DNM2: variants seen among roughly 807,000 people sequenced by gnomAD.
The protein encoded by DNM2 is dynamin 2.
Under a neutral mutation model 99.0 loss-of-function variants are expected in DNM2, and 15 were observed. The observed-to-expected ratio is 0.15, with a 90% CI of 0.10 to 0.23. The LOEUF (loss-of-function observed/expected upper bound fraction) is 0.23, where lower values mean the gene tolerates loss of function less well. Ranked by LOEUF, DNM2 falls within the 10% of genes least tolerant of loss-of-function variation. The pLI is 1.00. For synonymous variants in DNM2, 525 were observed against 481.2 expected, an observed-to-expected ratio of 1.09 and a Z score of -1.19; for missense variants, 742 against 1,189.4, an observed-to-expected ratio of 0.62 and a Z score of 5.53.
chr19:10,812,654 G>A lies in DNM2; in HGVS notation c.1671+277G>A, dbSNP rs185316419. On this transcript the variant is annotated intron_variant, in intron 15 of 20. Transcript: ENST00000389253. This position sits in a 1 kb window ranked among gnomAD's most constrained non-coding sequence, Gnocchi z 4.0. ...TTGCAAAAATTAGCCAGGAGTGGTG[G>A]CACGCGCCTGTAATCCCAGCTACTC... 2.0e-5 allele frequency among the ~76,000 whole-genome samples: 3 copies of A among 152,326 alleles called. No homozygotes were observed. The highest frequency in any genetic ancestry group is 4.4e-5 in the Non-Finnish European group (3 of 68,032).
chr19:10,764,266 G>T lies in DNM2; in HGVS notation c.235+4455G>T, dbSNP rs1257201237. Among the ~76,000 whole-genome samples, 1 of 152,150 alleles carries T rather than the reference G, an allele frequency of 6.6e-6. No individual in the cohort carries two copies. The highest frequency in any genetic ancestry group is 1.9e-4 in the East Asian group (1 of 5,178). On this transcript the variant is annotated intron_variant, in intron 2 of 20. Coordinates refer to ENST00000389253, the MANE Select transcript of DNM2 (RefSeq NM_001005361.3). This position sits in a 1 kb window ranked among gnomAD's most constrained non-coding sequence, Gnocchi z 4.1. Reference sequence around the variant, plus strand: ...GTAAAATGGGGGTGATGGTGGCGCTGCCATCGTGGCCATGGCACCCCATTG... The same window carrying T: ...GTAAAATGGGGGTGATGGTGGCGCTTCCATCGTGGCCATGGCACCCCATTG...
intron 16 of DNM2, 82 bp from the exon 17 acceptor site, chr19:10,823,706 C>A: frequency 7.2e-7 from 1 of 1,398,274 alleles, no homozygotes; most frequent in Non-Finnish European, 1.0e-6. Flanking sequence ...TCAGAAAGAC[C>A]CCTAGAGCCC....
intron 2 of DNM2, among the ~76,000 whole-genome samples, chr19:10,771,830 G>A (rs1398726976): frequency 6.6e-6 from 1 of 152,030 alleles, no homozygotes; most frequent in African/African-American, 2.4e-5. Flanking sequence ...TTGGTCATTG[G>A]TTATGTCTAC....
intron 13 of DNM2, among the ~76,000 whole-genome samples, chr19:10,807,896 A>C (rs1254851273): frequency 6.7e-6 from 1 of 150,056 alleles, no homozygotes; most frequent in Admixed American, 6.7e-5. Flanking sequence ...TAGTCCTAGC[A>C]CTTTGGGAGG....
At chr19:10,773,266 G>T (rs1423307312) in intron 3 of DNM2, among the ~76,000 whole-genome samples, 1 of 151,010 alleles carries the variant, frequency 6.6e-6, no homozygotes, top group Non-Finnish European at 1.5e-5. Context: ...TCCTGCCTCA[G>T]CCTCCCAAGT....
intron 1 of DNM2, among the ~76,000 whole-genome samples, chr19:10,735,545 G>A (rs1266093603): frequency 1.3e-5 from 2 of 151,792 alleles, no homozygotes; most frequent in African/African-American, 4.8e-5. Flanking sequence ...GGAGAGTCTC[G>A]CTCTGTCATC....
At chr19:10,785,149 G>A (rs748801233) in intron 6 of DNM2, among the ~76,000 whole-genome samples, 1 of 149,126 alleles carries the variant, frequency 6.7e-6, no homozygotes, top group East Asian at 2.0e-4. Flanking sequence ...ATGGAGTCTC[G>A]CTCTGTTGCC....
intron 1 of DNM2, among the ~76,000 whole-genome samples, chr19:10,746,575 C>T (rs146593566): frequency 3.9e-5 from 6 of 152,040 alleles, no homozygotes; most frequent in African/African-American, 1.4e-4. Flanking sequence ...AGGCATGCAC[C>T]ACACCTGGCT....
intron 6 of DNM2, among the ~76,000 whole-genome samples, chr19:10,786,090 A>G (rs6511714): frequency 0.95 from 144,209 of 152,348 alleles, 68,402 homozygotes; most frequent in East Asian, 1. Flanking sequence ...GTGTACCACC[A>G]TGCCTGGCCC....
chr19:10,831,131 T>C lies in DNM2; in HGVS notation c.*84T>C. On this transcript the variant is annotated 3_prime_UTR_variant, in exon 21 of 21. Coordinates refer to ENST00000389253, the MANE Select transcript of DNM2 (RefSeq NM_001005361.3). This position sits in a 1 kb window ranked among gnomAD's most constrained non-coding sequence, Gnocchi z 4.3. ...GTGGTCTGGGGCCCTCCGCCGCCCC[T>C]ATGCTGGGACCAGGCTCCCAGTGGG... The C allele has an allele frequency of 6.7e-7, 1 of 1,486,424 alleles. No individual in the cohort carries two copies. The highest frequency in any genetic ancestry group is 2.3e-5 in the Admixed American group (1 of 43,068). 92.1% of individuals were successfully genotyped at this position (1,486,424 alleles called of 1,614,324 possible). A position where few individuals can be genotyped will look rare whatever the true frequency, so the allele number is the denominator to read the frequency against.
chr19:10,827,568 TA>T (rs951448703), intron 18 of DNM2, among the ~76,000 whole-genome samples: 253 of 141,162 alleles, frequency 1.8e-3, no homozygotes, highest in Non-Finnish European at 2.0e-3. Context: ...AGACCCTATC[TA>T]AAAAAAAAAA....
chr19:10,795,463 C>T lies in DNM2; in HGVS notation c.1196+24C>T, dbSNP rs751812906. The T allele has an allele frequency of 1.2e-6, 2 of 1,613,716 alleles. No homozygotes were observed. Among genetic ancestry groups the T allele is most frequent in the Middle Eastern group, 1.6e-4 (1 of 6,062 alleles). On this transcript the variant is annotated intron_variant, in intron 9 of 20. Transcript: ENST00000389253. The surrounding 1 kb of genome is among the most constrained non-coding windows in gnomAD (Gnocchi z 4.2). Reference sequence around the variant, plus strand: ...AGGCAAGTTCCACGAGGAGAGTCACCACTGTTCCTTCCTCTCCGTGGTGCG... The same window carrying T: ...AGGCAAGTTCCACGAGGAGAGTCACTACTGTTCCTTCCTCTCCGTGGTGCG...
intron 11 of DNM2, among the ~76,000 whole-genome samples, chr19:10,799,931 G>A (rs967173831): frequency 9.9e-5 from 15 of 151,902 alleles, no homozygotes; most frequent in Non-Finnish European, 8.8e-5. Flanking sequence ...TGTCACCCAC[G>A]AAGCACTGGG....
Position 10,820,039 on chromosome 19 carries a change from G to A in DNM2, c.1731G>A (p.Lys577=), listed in dbSNP as rs35365412. Residue 577 remains lysine (K), a synonymous_variant, in exon 16 of 21, where the codon AAG becomes AAA. Coordinates refer to ENST00000389253, the MANE Select transcript of DNM2 (RefSeq NM_001005361.3). The surrounding 1 kb of genome is among the most constrained non-coding windows in gnomAD (Gnocchi z 4.3). ...ACCTCAAGATCCGTGATGTGGAGAA[G>A]GGCTTCATGTCCAACAAGCACGTCT... ...LDNLKIRDVE[K]GFMSNKHVFA... 5.0e-6 allele frequency: 8 copies of A among 1,614,186 alleles called. No individual in the cohort carries two copies. The Admixed American group carries it at 5.0e-5, about 10-fold the overall frequency.
chr19:10,775,614 A>T lies in DNM2; in HGVS notation c.386-89A>T. 6.8e-7 allele frequency: 1 copy of T among 1,463,922 alleles called. No homozygotes were observed. Among genetic ancestry groups the T allele is most frequent in the Admixed American group, 1.7e-5 (1 of 59,826 alleles). 90.7% of individuals were successfully genotyped at this position (1,463,922 alleles called of 1,614,324 possible). A position where few individuals can be genotyped will look rare whatever the true frequency, so the allele number is the denominator to read the frequency against. On this transcript the variant is annotated intron_variant, in intron 3 of 20. Coordinates refer to ENST00000389253, the MANE Select transcript of DNM2 (RefSeq NM_001005361.3). This position sits in a 1 kb window ranked among gnomAD's most constrained non-coding sequence, Gnocchi z 4.3. The stretch of plus-strand genomic sequence containing the variant: ...TCCTCAAGTCTGAGCCCCGCGCAGG[A>T]ACTTTGGTAGTCAGCTGGGTGGCTG...
chr19:10,766,096 A>G (rs546195284), intron 2 of DNM2, among the ~76,000 whole-genome samples: 1 of 152,298 alleles, frequency 6.6e-6, no homozygotes, highest in South Asian at 2.1e-4. Flanking sequence ...GGGTGTCGCT[A>G]GGCTGTGAAA....
chr19:10,800,824 G>GGGA, intron 11 of DNM2, among the ~76,000 whole-genome samples: 1 of 152,386 alleles, frequency 6.6e-6, no homozygotes, highest in Non-Finnish European at 1.5e-5. Flanking sequence ...GGATGAGGGA[G>GGGA]GGAGAGTTTC....
chr19:10,722,419 C>G (rs995256327), intron 1 of DNM2, among the ~76,000 whole-genome samples: 3 of 152,210 alleles, frequency 2.0e-5, no homozygotes, highest in Non-Finnish European at 4.4e-5. Context: ...CATTTAGCCT[C>G]AGGGGCTGGC....
intron 1 of DNM2, among the ~76,000 whole-genome samples, chr19:10,750,858 G>A (rs577395293): frequency 2.2e-4 from 33 of 151,698 alleles, no homozygotes; most frequent in African/African-American, 5.8e-4. Flanking sequence ...CTGAGATTGC[G>A]CCACTACACT....
Sources: allele counts gnomAD v4.1 joint callset (sites outside exome capture counted in the v4.1 genomes callset), GRCh38; gene constraint gnomAD v4.1.1; non-coding constraint Gnocchi (gnomAD v3.1); transcripts MANE v1.5; gene names NCBI Gene and HGNC (gene_info 2026-07-23, HGNC 2026-07-21).